Variants in CCSER1 observed in about 807,000 individuals in gnomAD.
CCSER1 encodes serine-rich coiled-coil domain-containing protein 1.
Under a neutral mutation model 82.0 loss-of-function variants are expected in CCSER1, and 41 were observed. The observed-to-expected ratio is 0.50, with a 90% confidence interval of 0.39 to 0.65. CCSER1 has a LOEUF of 0.65. Among genes scored for constraint, CCSER1 ranks in the 30% least tolerant of loss-of-function variants. The pLI is 0.00. For synonymous variants in CCSER1, 414 were observed against 383.9 expected (o/e 1.08, Z -0.92); for missense variants, 1,119 against 1,064.2 (o/e 1.05, Z -0.72).
At chr4:90,704,579 G>A (rs146404724) in intron 6 of CCSER1, among the ~76,000 whole-genome samples, 2,326 of 152,234 alleles carry the variant, frequency 0.015, 62 homozygotes, top group African/African-American at 0.053. Context: ...TTTCCAAGTT[G>A]GTTCCATTCT....
chr4:90,707,529 T>TAAA (rs75961345), intron 6 of CCSER1, among the ~76,000 whole-genome samples: 11 of 144,774 alleles, frequency 7.6e-5, no homozygotes, highest in Admixed American at 2.1e-4. Context: ...ATTTCTACCT[T>TAAA]AAAAAAAAAA....
chr4:91,158,306 A>G (rs981034557), intron 10 of CCSER1, among the ~76,000 whole-genome samples: 2 of 151,930 alleles, frequency 1.3e-5, no homozygotes, highest in Admixed American at 6.6e-5. Flanking sequence ...CATGAGGGTT[A>G]TTCTTGTTGG....
intron 3 of CCSER1, among the ~76,000 whole-genome samples, chr4:90,343,594 C>A (rs1055415036): frequency 2.0e-5 from 3 of 152,022 alleles, no homozygotes; most frequent in Non-Finnish European, 2.9e-5. Context: ...CCCAGCCTGG[C>A]GACAGAGTGA....
At chr4:91,545,882 A>T (rs1325406151) in intron 10 of CCSER1, among the ~76,000 whole-genome samples, 3 of 152,154 alleles carry the variant, frequency 2.0e-5, no homozygotes, top group Non-Finnish European at 2.9e-5. Flanking sequence ...AAGAAAACTT[A>T]AAGTTTATTA....
intron 1 of CCSER1, among the ~76,000 whole-genome samples, chr4:90,308,041 A>G (rs1321073543): frequency 6.6e-6 from 1 of 152,236 alleles, no homozygotes; most frequent in Non-Finnish European, 1.5e-5. Flanking sequence ...TTGCATCATT[A>G]CAAAATATCA....
chr4:91,211,616 G>A (rs1460533869), intron 10 of CCSER1, among the ~76,000 whole-genome samples: 1 of 152,034 alleles, frequency 6.6e-6, no homozygotes, highest in Non-Finnish European at 1.5e-5. Flanking sequence ...AAGCAACATA[G>A]CATAGTGGTT....
At chr4:90,276,255 C>T (rs12510601) in intron 1 of CCSER1, among the ~76,000 whole-genome samples, 5,214 of 49,020 alleles carry the variant, frequency 0.11, 275 homozygotes, top group South Asian at 0.12. Context: ...TCTTTCTTTC[C>T]TTCCTTCCTT....
intron 8 of CCSER1, among the ~76,000 whole-genome samples, chr4:90,823,917 C>T (rs1760103552): frequency 6.6e-6 from 1 of 151,754 alleles, no homozygotes; most frequent in Non-Finnish European, 1.5e-5. Flanking sequence ...ATATAGTTTA[C>T]ACAAAGTTAA....
chr4:90,701,886 G>A (rs1453787815), intron 6 of CCSER1, among the ~76,000 whole-genome samples: 2 of 152,054 alleles, frequency 1.3e-5, no homozygotes, highest in Non-Finnish European at 2.9e-5. Flanking sequence ...GAGACGATGG[G>A]GTTTTCTAAA....
intron 1 of CCSER1, among the ~76,000 whole-genome samples, chr4:90,211,365 C>A (rs977788381): frequency 2.6e-5 from 4 of 152,104 alleles, no homozygotes; most frequent in Non-Finnish European, 4.4e-5. Flanking sequence ...TGTAATAGTC[C>A]AGCATTAGTG....
chr4:91,402,827 A>G (rs762949786), intron 10 of CCSER1, among the ~76,000 whole-genome samples: 1 of 152,090 alleles, frequency 6.6e-6, no homozygotes, highest in Non-Finnish European at 1.5e-5. Context: ...GTCAGGTAGC[A>G]TGATGCCTCC....
At position 91,601,452 on chromosome 4, in the gene CCSER1, AG is replaced by A. The variant is rs1443887515; in HGVS notation, c.*2396del. 1 of 152,002 alleles carries A rather than the reference AG, an allele frequency of 6.6e-6. No individual in the cohort carries two copies. Among genetic ancestry groups the A allele is most frequent in the East Asian group, 1.9e-4 (1 of 5,190 alleles). 9.4% of individuals were successfully genotyped at this position (152,002 alleles called of 1,614,324 possible). A position where few individuals can be genotyped will look rare whatever the true frequency, so the allele number is the denominator to read the frequency against. ...GTAACTCAGGCCTGGAGAAGGTGTAAGCCCACTATGCTAATGTACATCAGTA... is the reference window on the plus strand; with the variant it reads ...GTAACTCAGGCCTGGAGAAGGTGTAACCCACTATGCTAATGTACATCAGTA... On this transcript the variant is annotated 3_prime_UTR_variant, in exon 11 of 11. Coordinates refer to ENST00000509176, the MANE Select transcript of CCSER1 (RefSeq NM_001145065.2).
At chr4:90,395,401 G>A (rs181526964) in intron 3 of CCSER1, among the ~76,000 whole-genome samples, 45 of 152,040 alleles carry the variant, frequency 3.0e-4, no homozygotes, top group African/African-American at 1.0e-3. Flanking sequence ...TTTACATTTT[G>A]CAGATGTAGC....
At chr4:91,563,307 T>C (rs553849783) in intron 10 of CCSER1, among the ~76,000 whole-genome samples, 1 of 151,684 alleles carries the variant, frequency 6.6e-6, no homozygotes, top group Non-Finnish European at 1.5e-5. Context: ...CAATAGCATA[T>C]CAAAAAGGAT....
intron 10 of CCSER1, among the ~76,000 whole-genome samples, chr4:91,328,608 A>G (rs1746728885): frequency 6.6e-6 from 1 of 152,196 alleles, no homozygotes; most frequent in Admixed American, 6.5e-5. Context: ...AGATTTCAGT[A>G]AAACTTACCT....
intron 10 of CCSER1, among the ~76,000 whole-genome samples, chr4:91,577,029 T>C (rs1048436990): frequency 6.6e-6 from 1 of 152,030 alleles, no homozygotes; most frequent in Admixed American, 6.6e-5. Flanking sequence ...AAAAAAGTCA[T>C]AATTTTGCTG....
Position 90,189,464 on chromosome 4 carries a change from G to A in CCSER1, c.-42+61633G>A, listed in dbSNP as rs968908563. ...GTCTGAGACAGTTGGCTTATGACGTGCACTGAGCATATGGATGTGCGCAAG... is the reference window on the plus strand; with the variant it reads ...GTCTGAGACAGTTGGCTTATGACGTACACTGAGCATATGGATGTGCGCAAG... On this transcript the variant is annotated intron_variant, in intron 1 of 10. Transcript: ENST00000509176. 2.3e-4 allele frequency among the ~76,000 whole-genome samples: 35 copies of A among 151,828 alleles called. 1 individual carries two copies. The highest frequency in any genetic ancestry group is 7.7e-4 in the African/African-American group (32 of 41,340).
intron 9 of CCSER1, among the ~76,000 whole-genome samples, chr4:90,950,120 C>G (rs1030713626): frequency 6.6e-6 from 1 of 152,038 alleles, no homozygotes; most frequent in African/African-American, 2.4e-5. Flanking sequence ...GCAAGAAGAA[C>G]CACAGTTAGC....
chr4:90,189,288 A>G (rs1735190316), intron 1 of CCSER1, among the ~76,000 whole-genome samples: 2 of 151,954 alleles, frequency 1.3e-5, no homozygotes, highest in Non-Finnish European at 2.9e-5. Flanking sequence ...CAAGTACAAT[A>G]CAATGTGGTC....
Sources: gnomAD v4.1 joint callset for allele counts (sites outside exome capture counted in the v4.1 genomes callset) on GRCh38, gnomAD v4.1.1 for gene constraint, MANE v1.5 for transcripts, NCBI Gene and HGNC (gene_info 2026-07-23, HGNC 2026-07-21) for gene names.